CASTOR2: variants seen among roughly 807,000 people sequenced by gnomAD.
The protein encoded by CASTOR2 is GATS protein like 2.
Under a neutral mutation model 31.2 loss-of-function variants are expected in CASTOR2, and 8 were observed. The ratio of observed to expected loss-of-function variants is 0.26; its 90% CI spans 0.15 to 0.46. CASTOR2 has a LOEUF of 0.46. CASTOR2 is among the 20% of genes least tolerant of loss of function. The pLI, the probability that CASTOR2 is intolerant of heterozygous loss-of-function variation, is 0.99. For missense variants in CASTOR2, 216 were observed against 382.1 expected, an observed-to-expected ratio of 0.57 and a Z score of 3.62; for synonymous variants, 162 against 158.7, an observed-to-expected ratio of 1.02 and a Z score of -0.16.
At chr7:75,022,746 C>T (rs1674496587) in intron 7 of CASTOR2, among the ~76,000 whole-genome samples, 1 of 152,066 alleles carries the variant, frequency 6.6e-6, no homozygotes, top group African/African-American at 2.4e-5. Flanking sequence ...TTGCGATGAG[C>T]CAAGATCGCT....
At position 74,999,601 on chromosome 7, in the gene CASTOR2, C is replaced by CTTTTTTTTTTTTT. The variant is rs1158456043; in HGVS notation, c.114-8370_114-8358dup. ...CCCGAAACACTTCTATCACTCACTG[C>CTTTTTTTTTTTTT]TTTTTTTTTTTTTTTTTTTTTTTTT... On this transcript the variant is annotated intron_variant, in intron 1 of 8. Coordinates refer to ENST00000616305, the MANE Select transcript of CASTOR2 (RefSeq NM_001145064.3). Among the ~76,000 whole-genome samples, 11 of 45,780 alleles carry CTTTTTTTTTTTTT rather than the reference C, an allele frequency of 2.4e-4. 4 individuals are homozygous for CTTTTTTTTTTTTT. Among genetic ancestry groups the CTTTTTTTTTTTTT allele is most frequent in the African/African-American group, 1.3e-3 (10 of 7,972 alleles). 30.0% of individuals were successfully genotyped at this position (45,780 alleles called of 152,430 possible). A position where few individuals can be genotyped will look rare whatever the true frequency, so the allele number is the denominator to read the frequency against.
In CASTOR2 at chr7:75,017,966, ACGGC is replaced by A. The variant is rs1804904844; in HGVS notation, c.379-22_379-19del. On this transcript the variant is annotated intron_variant, in intron 3 of 8. Coordinates refer to ENST00000616305, the MANE Select transcript of CASTOR2 (RefSeq NM_001145064.3). Reference sequence around the variant, plus strand: ...CATCCCCCAGGGCCACCAGGCACACACGGCCTCAACTTCTTGCCCCTAGGTGCGC... The same window carrying A: ...CATCCCCCAGGGCCACCAGGCACACACTCAACTTCTTGCCCCTAGGTGCGC... 10 of 1,614,104 alleles carry A rather than the reference ACGGC, an allele frequency of 6.2e-6. No individual in the cohort carries two copies. The highest frequency in any genetic ancestry group is 8.5e-6 in the Non-Finnish European group (10 of 1,179,986).
intron 1 of CASTOR2, among the ~76,000 whole-genome samples, chr7:74,992,291 C>G (rs587731345): frequency 2.6e-5 from 4 of 151,082 alleles, no homozygotes; most frequent in Non-Finnish European, 5.9e-5. Flanking sequence ...AAAGTCTTTC[C>G]CCTTAAGATG....
At chr7:75,021,792 G>T in intron 6 of CASTOR2, 82 bp from the exon 7 acceptor site, 1 of 1,519,466 alleles carries the variant, frequency 6.6e-7, no homozygotes, top group Non-Finnish European at 8.9e-7. Flanking sequence ...CCCATGCCTC[G>T]CTCTGGCTGG....
rs988471569 is a variant in CASTOR2 at position 75,031,154 on chromosome 7, A to G, written c.*6455A>G. On this transcript the variant is annotated 3_prime_UTR_variant, in exon 9 of 9. Transcript: ENST00000616305. ...CCTCCTCTTTCTCTATGCCAAAATC[A>G]TTTCCGTTATCCTGAGATGGGGGTG... Among the ~76,000 whole-genome samples the G allele has an allele frequency of 6.6e-5, 10 of 152,222 alleles. No homozygotes were observed. In the East Asian group the frequency reaches 1.9e-3, roughly 29 times the overall value.
intron 1 of CASTOR2, among the ~76,000 whole-genome samples, chr7:74,971,405 C>T (rs1209990526): frequency 4.2e-5 from 1 of 23,636 alleles, no homozygotes; most frequent in Non-Finnish European, 8.9e-5. Context: ...GCTTGGATAA[C>T]TTAAAGGCTT....
intron 1 of CASTOR2, among the ~76,000 whole-genome samples, chr7:74,986,073 G>A (rs868933056): frequency 2.0e-5 from 3 of 151,966 alleles, no homozygotes; most frequent in Non-Finnish European, 4.4e-5. Flanking sequence ...AACTACAGGC[G>A]CGCACCACCA....
chr7:75,029,002 G>A lies in CASTOR2; in HGVS notation c.*4303G>A, dbSNP rs2131963872. On this transcript the variant is annotated 3_prime_UTR_variant, in exon 9 of 9. Transcript: ENST00000616305. ...TCCAGTGTGGCCTCCGGAAGCAGCA[G>A]CGTAGCCAGGGTGACATTTGTTCAG... Among the ~76,000 whole-genome samples, 1 of 152,252 alleles carries A rather than the reference G, an allele frequency of 6.6e-6. No individual in the cohort carries two copies. The highest frequency in any genetic ancestry group is 6.5e-5 in the Admixed American group (1 of 15,300).
At chr7:74,976,953 A>G (rs1698609881) in intron 1 of CASTOR2, among the ~76,000 whole-genome samples, 2 of 147,336 alleles carry the variant, frequency 1.4e-5, no homozygotes, top group Admixed American at 1.4e-4. Context: ...GGGAGGGCCA[A>G]GCGGGTACAT....
rs1165225556 is a variant in CASTOR2 at position 75,026,587 on chromosome 7, G to T, written c.*1888G>T. Among the ~76,000 whole-genome samples the T allele has an allele frequency of 6.6e-6, 1 of 152,158 alleles. No individual in the cohort carries two copies. Among genetic ancestry groups the T allele is most frequent in the Non-Finnish European group, 1.5e-5 (1 of 68,040 alleles). On this transcript the variant is annotated 3_prime_UTR_variant, in exon 9 of 9. Transcript: ENST00000616305. The stretch of plus-strand genomic sequence containing the variant: ...GAGTGGGACCCTCTGAGCCCTGGAA[G>T]CCCACCAGAAGGAGAAGCTGTTCTT...
intron 2 of CASTOR2, among the ~76,000 whole-genome samples, chr7:75,013,277 T>C (rs1804794400): frequency 6.6e-6 from 1 of 152,214 alleles, no homozygotes; most frequent in African/African-American, 2.4e-5. Context: ...ATGCTGGGTC[T>C]TTCCTGGGAG....
intron 1 of CASTOR2, among the ~76,000 whole-genome samples, chr7:75,003,012 T>C (rs1410745349): frequency 2.0e-5 from 3 of 152,094 alleles, no homozygotes; most frequent in Non-Finnish European, 4.4e-5. Context: ...AAGGGGGTGC[T>C]GTGCTTGGAC....
chr7:75,004,965 A>G (rs1804574247), intron 1 of CASTOR2, among the ~76,000 whole-genome samples: 2 of 151,988 alleles, frequency 1.3e-5, no homozygotes, highest in Non-Finnish European at 1.5e-5. Flanking sequence ...TCCCGGGTTC[A>G]AGTGAGTCTT....
intron 1 of CASTOR2, among the ~76,000 whole-genome samples, chr7:74,998,462 G>C (rs1484493054): frequency 1.3e-5 from 2 of 152,120 alleles, no homozygotes; most frequent in Non-Finnish European, 2.9e-5. Context: ...AATTAGCGGG[G>C]CATGGTGGCA....
At chr7:74,977,970 C>T (rs1251673670) in intron 1 of CASTOR2, among the ~76,000 whole-genome samples, 10 of 150,706 alleles carry the variant, frequency 6.6e-5, no homozygotes, top group South Asian at 2.1e-4. Context: ...TGAGCTACAG[C>T]GCCTGGCCTA....
chr7:75,006,851 C>T (rs1340540854), intron 1 of CASTOR2, among the ~76,000 whole-genome samples: 1 of 151,274 alleles, frequency 6.6e-6, no homozygotes, highest in South Asian at 2.1e-4. Context: ...CCCCCGCCCC[C>T]CCAGCCCCGC....
At chr7:75,003,473 G>A (rs1269259113) in intron 1 of CASTOR2, among the ~76,000 whole-genome samples, 3 of 151,362 alleles carry the variant, frequency 2.0e-5, no homozygotes, top group South Asian at 2.1e-4. Flanking sequence ...AAAAAAGGCC[G>A]GGCATGGTGG....
chr7:74,974,891 CT>C (rs1554435465), intron 1 of CASTOR2, among the ~76,000 whole-genome samples: 1 of 140,988 alleles, frequency 7.1e-6, no homozygotes, highest in Non-Finnish European at 1.5e-5. Context: ...TGTCTTCTGT[CT>C]ATCCACTCTG....
intron 1 of CASTOR2, among the ~76,000 whole-genome samples, chr7:74,998,437 CT>C (rs1804405947): frequency 6.6e-6 from 1 of 152,204 alleles, no homozygotes; most frequent in African/African-American, 2.4e-5. Context: ...AACCCCATCT[CT>C]ACTAAAAATA....
Sources: allele counts gnomAD v4.1 joint callset (sites outside exome capture counted in the v4.1 genomes callset), GRCh38; gene constraint gnomAD v4.1.1; transcripts MANE v1.5; gene names NCBI Gene and HGNC (gene_info 2026-07-23, HGNC 2026-07-21).